The following RASAL2 variants were observed in gnomAD, a reference collection of about 807,000 sequenced individuals.
The protein encoded by RASAL2 is RAS protein activator like 2.
In RASAL2, 58 loss-of-function variants were observed where a neutral mutation model predicts 128.9. That is an observed-to-expected ratio of 0.45 (90% CI 0.36 to 0.56). RASAL2 has a LOEUF of 0.56. RASAL2 is among the 20% of genes least tolerant of loss of function. The pLI, the probability that RASAL2 is intolerant of heterozygous loss-of-function variation, is 0.00. For synonymous variants in RASAL2, 561 were observed against 580.8 expected, an observed-to-expected ratio of 0.97 and a Z score of 0.49; for missense variants, 1,360 against 1,601.6, an observed-to-expected ratio of 0.85 and a Z score of 2.57.
chr1:178,285,465 A>G (rs1666985174), intron 2 of RASAL2, among the ~76,000 whole-genome samples: 1 of 152,212 alleles, frequency 6.6e-6, no homozygotes, highest in Admixed American at 6.5e-5. Flanking sequence ...TCCATGAAGA[A>G]CTTGCTCATT....
At chr1:178,397,348 T>C (rs539676368) in intron 4 of RASAL2, among the ~76,000 whole-genome samples, 2 of 152,180 alleles carry the variant, frequency 1.3e-5, no homozygotes, top group South Asian at 2.1e-4. Context: ...TTTGAAAATA[T>C]TATGCTAAGT....
chr1:178,170,733 A>G lies in RASAL2; in HGVS notation c.202+76039A>G, dbSNP rs561460875. Among the ~76,000 whole-genome samples, 4 of 151,428 alleles carry G rather than the reference A, an allele frequency of 2.6e-5. No individual in the cohort carries two copies. The South Asian group carries it at 8.3e-4, about 31-fold the overall frequency. The stretch of plus-strand genomic sequence containing the variant: ...TCTTATCTATCTATAACTCTTTTTC[A>G]GTTCTTTAGGTTTTAAATATTAAAT... On this transcript the variant is annotated intron_variant, in intron 1 of 17. Coordinates refer to ENST00000367649, the MANE Select transcript of RASAL2 (RefSeq NM_170692.4).
intron 3 of RASAL2, among the ~76,000 whole-genome samples, chr1:178,368,076 C>T (rs887928030): frequency 6.6e-6 from 1 of 151,998 alleles, no homozygotes; most frequent in African/African-American, 2.4e-5. Flanking sequence ...ATTATATGAC[C>T]CACAAAACTT....
intron 1 of RASAL2, among the ~76,000 whole-genome samples, chr1:178,135,786 G>GTCCCA (rs1660301010): frequency 6.6e-6 from 1 of 152,184 alleles, no homozygotes; most frequent in Admixed American, 6.5e-5. Context: ...GGAGGAGCAA[G>GTCCCA]TCCCATCTTA....
At chr1:178,120,070 A>G (rs1472651706) in intron 1 of RASAL2, among the ~76,000 whole-genome samples, 1 of 152,226 alleles carries the variant, frequency 6.6e-6, no homozygotes, top group Non-Finnish European at 1.5e-5. Context: ...TCTGTACTTG[A>G]TATTCACATT....
At chr1:178,199,303 G>T (rs1662784041) in intron 1 of RASAL2, among the ~76,000 whole-genome samples, 1 of 152,154 alleles carries the variant, frequency 6.6e-6, no homozygotes, top group South Asian at 2.1e-4. Flanking sequence ...CCCTCCGTGG[G>T]CTGTACCCAC....
At chr1:178,200,489 T>A (rs1447978120) in intron 1 of RASAL2, among the ~76,000 whole-genome samples, 1 of 152,180 alleles carries the variant, frequency 6.6e-6, no homozygotes, top group East Asian at 1.9e-4. Context: ...CTGGACCAAG[T>A]GATTTAAGAA....
At chr1:178,351,732 GAAAA>G (rs571231229) in intron 3 of RASAL2, among the ~76,000 whole-genome samples, 1 of 111,048 alleles carries the variant, frequency 9.0e-6, no homozygotes, top group Admixed American at 9.6e-5. Flanking sequence ...CTATCTCAAG[GAAAA>G]AAAAAAAAAA....
intron 1 of RASAL2, among the ~76,000 whole-genome samples, chr1:178,261,913 C>CAAAAA (rs35870834): frequency 1.2e-5 from 1 of 84,558 alleles, no homozygotes. Flanking sequence ...GAGACTGTCT[C>CAAAAA]AAAAAAAAAA....
At chr1:178,199,523 A>G (rs752392200) in intron 1 of RASAL2, among the ~76,000 whole-genome samples, 12 of 152,354 alleles carry the variant, frequency 7.9e-5, no homozygotes, top group Non-Finnish European at 5.9e-5. Context: ...AAACCAAAAA[A>G]TTGGAGATAA....
chr1:178,195,507 T>A (rs1479023523), intron 1 of RASAL2, among the ~76,000 whole-genome samples: 2 of 152,152 alleles, frequency 1.3e-5, no homozygotes, highest in Non-Finnish European at 2.9e-5. Context: ...CACAATAGAA[T>A]GAAGTATATA....
Position 178,473,212 on chromosome 1 carries a change from T to A in RASAL2, c.3816T>A (p.Asn1272Lys), listed in dbSNP as rs1648441942. 4.3e-6 allele frequency: 7 copies of A among 1,614,060 alleles called. No individual in the cohort carries two copies. The African/African-American group carries it at 6.7e-5, about 15-fold the overall frequency. Residue 1272 changes from asparagine to lysine, a missense_variant, in exon 18 of 18, where the codon AAT becomes AAA. Asn to Lys is a moderately conservative substitution (Grantham distance 94). Coordinates refer to ENST00000367649, the MANE Select transcript of RASAL2 (RefSeq NM_170692.4). Reference sequence around the variant, plus strand: ...CCACCAAGCTTTCCATCACGGAGAATGGTGAATTCAAAAACAGCAGCTGCT... The same window carrying A: ...CCACCAAGCTTTCCATCACGGAGAAAGGTGAATTCAAAAACAGCAGCTGCT... ...TNPTKLSITE[N>K]GEFKNSSC
chr1:178,397,307 G>A (rs1330478085), intron 4 of RASAL2, among the ~76,000 whole-genome samples: 2 of 152,158 alleles, frequency 1.3e-5, no homozygotes, highest in African/African-American at 2.4e-5. Context: ...AAAGGAATGA[G>A]ATACTGACAC....
At chr1:178,139,574 A>T (rs997121738) in intron 1 of RASAL2, among the ~76,000 whole-genome samples, 2 of 152,032 alleles carry the variant, frequency 1.3e-5, no homozygotes. Context: ...AATATTTTCC[A>T]TTTTTTACCA....
intron 1 of RASAL2, among the ~76,000 whole-genome samples, chr1:178,150,277 C>G (rs951873007): frequency 6.6e-6 from 1 of 152,034 alleles, no homozygotes; most frequent in Admixed American, 6.6e-5. Context: ...GCACCGCAAC[C>G]TCCACCTCCT....
chr1:178,230,170 T>C (rs1179699806), intron 1 of RASAL2, among the ~76,000 whole-genome samples: 1 of 152,228 alleles, frequency 6.6e-6, no homozygotes, highest in Non-Finnish European at 1.5e-5. Context: ...TATTCCATTG[T>C]ATGAAAACAC....
intron 3 of RASAL2, among the ~76,000 whole-genome samples, chr1:178,374,508 A>G (rs1671887728): frequency 6.6e-6 from 1 of 152,158 alleles, no homozygotes; most frequent in South Asian, 2.1e-4. Context: ...TCTGTACAGT[A>G]ACCACCTAAC....
intron 1 of RASAL2, among the ~76,000 whole-genome samples, chr1:178,212,692 G>A (rs1018553068): frequency 2.0e-5 from 3 of 152,014 alleles, no homozygotes; most frequent in Non-Finnish European, 2.9e-5. Flanking sequence ...GGGTCTCACC[G>A]TATTGGCCAG....
At chr1:178,329,863 A>T (rs1198998425) in intron 3 of RASAL2, among the ~76,000 whole-genome samples, 1 of 152,070 alleles carries the variant, frequency 6.6e-6, no homozygotes, top group South Asian at 2.1e-4. Flanking sequence ...AAAAAGGACA[A>T]GAGAAAGACA....
Sources: gnomAD v4.1 joint callset for allele counts (sites outside exome capture counted in the v4.1 genomes callset) on GRCh38, gnomAD v4.1.1 for gene constraint, MANE v1.5 for transcripts, NCBI Gene and HGNC (gene_info 2026-07-23, HGNC 2026-07-21) for gene names.